The following ARHGAP12 variants were observed in gnomAD, a reference collection of about 807,000 sequenced individuals.
ARHGAP12 encodes the protein Rho GTPase activating protein 12.
Under a neutral mutation model 108.6 loss-of-function variants are expected in ARHGAP12, and 64 were observed. The ratio of observed to expected loss-of-function variants is 0.59; its 90% CI spans 0.48 to 0.73. The LOEUF is 0.73. Among genes scored for constraint, ARHGAP12 ranks in the 30% least tolerant of loss-of-function variants. The pLI, the probability that ARHGAP12 is intolerant of heterozygous loss-of-function variation, is 0.00. For missense variants in ARHGAP12, 940 were observed against 1,005.9 expected (o/e 0.93, Z 0.89); for synonymous variants, 312 against 337.2 (o/e 0.93, Z 0.82).
chr10:31,839,274 G>T, intron 9 of ARHGAP12, 31 bp downstream of exon 9: 1 of 1,597,410 alleles, frequency 6.3e-7, no homozygotes, highest in Non-Finnish European at 8.6e-7. Context: ...AGGTGTCTAT[G>T]CCTATTAAGA....
chr10:31,855,859 G>C (rs963010204), intron 4 of ARHGAP12, among the ~76,000 whole-genome samples: 1 of 152,136 alleles, frequency 6.6e-6, no homozygotes, highest in Non-Finnish European at 1.5e-5. Flanking sequence ...ATATCTTCAT[G>C]TGTTTTATAT....
intron 5 of ARHGAP12, among the ~76,000 whole-genome samples, chr10:31,853,017 G>A (rs927533184): frequency 1.3e-5 from 2 of 152,098 alleles, no homozygotes; most frequent in Non-Finnish European, 2.9e-5. Flanking sequence ...CGTCAGCCAC[G>A]GCGCCCGGCC....
intron 3 of ARHGAP12, among the ~76,000 whole-genome samples, chr10:31,893,268 G>A (rs1332449205): frequency 6.6e-6 from 1 of 152,090 alleles, no homozygotes; most frequent in Non-Finnish European, 1.5e-5. Context: ...AACTGAAGGA[G>A]ACAGAGACAC....
At chr10:31,827,469 C>T (rs1835659045) in intron 10 of ARHGAP12, among the ~76,000 whole-genome samples, 1 of 152,054 alleles carries the variant, frequency 6.6e-6, no homozygotes, top group East Asian at 1.9e-4. Context: ...TTAAAGCTAT[C>T]CTTATAGCCA....
chr10:31,836,142 T>C (rs1034830071), intron 9 of ARHGAP12, among the ~76,000 whole-genome samples: 1 of 152,202 alleles, frequency 6.6e-6, no homozygotes, highest in Non-Finnish European at 1.5e-5. Flanking sequence ...CATTAATACT[T>C]CAAATCATTA....
intron 3 of ARHGAP12, among the ~76,000 whole-genome samples, chr10:31,882,277 G>T (rs1838000759): frequency 6.6e-6 from 1 of 151,880 alleles, no homozygotes; most frequent in African/African-American, 2.4e-5. Context: ...TTGCTACCTG[G>T]GATTTTCCAA....
At chr10:31,879,228 T>C (rs1225980779) in intron 3 of ARHGAP12, among the ~76,000 whole-genome samples, 1 of 151,972 alleles carries the variant, frequency 6.6e-6, no homozygotes, top group Non-Finnish European at 1.5e-5. Flanking sequence ...CTGGGCAACA[T>C]GATGAAACCC....
chr10:31,861,388 C>A lies in ARHGAP12; in HGVS notation c.948+7G>T. ...TAACTTGCAGTTGATTCCTTAATTA[C>A]TCATACCTCTTGATCCCCTGGATTT... On this transcript the variant is annotated splice_region_variant and intron_variant, in intron 4 of 19. Transcript: ENST00000344936. The A allele has an allele frequency of 6.2e-7, 1 of 1,602,470 alleles. No homozygotes were observed. Among genetic ancestry groups the A allele is most frequent in the Non-Finnish European group, 8.5e-7 (1 of 1,176,248 alleles).
chr10:31,890,094 T>C (rs1464327783), intron 3 of ARHGAP12, among the ~76,000 whole-genome samples: 1 of 152,098 alleles, frequency 6.6e-6, no homozygotes, highest in Non-Finnish European at 1.5e-5. Context: ...CACAACAGAA[T>C]TTCATTTAAA....
chr10:31,811,629 A>C lies in ARHGAP12; in HGVS notation c.1952-882T>G, dbSNP rs111979606. Among the ~76,000 whole-genome samples, 1,101 of 151,648 alleles carry C rather than the reference A, an allele frequency of 7.3e-3. 14 individuals carry two copies. The highest frequency in any genetic ancestry group is 0.021 in the Middle Eastern group (6 of 292). ...TATTGGAGAGTACCTAATTTGAATT[A>C]ATCAGCTAGTCTCTTCCTAGAAGTC... On this transcript the variant is annotated intron_variant, in intron 15 of 19. Coordinates refer to ENST00000344936, the MANE Select transcript of ARHGAP12 (RefSeq NM_018287.7).
Position 31,826,649 on chromosome 10 carries a change from T to C in ARHGAP12, c.1449-264A>G, listed in dbSNP as rs142320122. On this transcript the variant is annotated intron_variant, in intron 10 of 19. Transcript: ENST00000344936. ...TATGAATGAATGACGCATGTAATTATGTTCACGTGAAATTAATACAGCACT... is the reference window on the plus strand; with the variant it reads ...TATGAATGAATGACGCATGTAATTACGTTCACGTGAAATTAATACAGCACT... The C allele has an allele frequency of 3.1e-3, 1,051 of 336,616 alleles. 12 individuals are homozygous for C. Among genetic ancestry groups the C allele is most frequent in the African/African-American group, 0.02 (943 of 47,438 alleles). 20.9% of individuals were successfully genotyped at this position (336,616 alleles called of 1,614,324 possible).
chr10:31,839,228 C>G (rs1836153887), intron 9 of ARHGAP12, 77 bp downstream of exon 9: 4 of 1,430,358 alleles, frequency 2.8e-6, no homozygotes, highest in South Asian at 1.2e-5. Context: ...TCATCTGGCA[C>G]AGACTTGGCA....
At chr10:31,875,684 T>C (rs1409411643) in intron 3 of ARHGAP12, among the ~76,000 whole-genome samples, 1 of 152,210 alleles carries the variant, frequency 6.6e-6, no homozygotes, top group Non-Finnish European at 1.5e-5. Context: ...TGATAAAATA[T>C]ACATAACATA....
At chr10:31,900,693 G>A (rs2132431607) in intron 3 of ARHGAP12, among the ~76,000 whole-genome samples, 1 of 152,308 alleles carries the variant, frequency 6.6e-6, no homozygotes, top group South Asian at 2.1e-4. Context: ...AGAAGTGTGA[G>A]GGAAGGAAGG....
At chr10:31,843,766 A>T (rs1213711136) in intron 6 of ARHGAP12, among the ~76,000 whole-genome samples, 180 bp from the exon 7 acceptor site, 1 of 152,210 alleles carries the variant, frequency 6.6e-6, no homozygotes, top group Admixed American at 6.5e-5. Flanking sequence ...GGCACAATTG[A>T]GAAGATCACA....
chr10:31,873,224 T>G (rs1837607217), intron 3 of ARHGAP12, among the ~76,000 whole-genome samples: 3 of 152,238 alleles, frequency 2.0e-5, no homozygotes, highest in Admixed American at 1.3e-4. Flanking sequence ...CTGAGATAGT[T>G]TATATTTTTG....
chr10:31,870,263 C>T (rs2778661), intron 3 of ARHGAP12, among the ~76,000 whole-genome samples: 68,702 of 147,778 alleles, frequency 0.46, 16,161 homozygotes, highest in Middle Eastern at 0.52. Flanking sequence ...GAATCTCGCT[C>T]TCATTGCCCA....
chr10:31,898,822 T>C (rs1227395520), intron 3 of ARHGAP12, among the ~76,000 whole-genome samples: 1 of 152,088 alleles, frequency 6.6e-6, no homozygotes, highest in Admixed American at 6.6e-5. Context: ...AAGTACACTC[T>C]GTGATGTTCC....
Position 31,861,573 on chromosome 10 carries a change from G to C in ARHGAP12, c.770C>G (p.Pro257Arg), listed in dbSNP as rs918997433. ...AATTGCCGGGCTCCCAGGAAGTGGG[G>C]GAAGAGCAGACTGGGATATTTTCAG... ...QELKISQSAL[P>R]PLPGSPAIQI... Residue 257 changes from proline to arginine, a missense_variant, in exon 4 of 20, where the codon CCC (proline) becomes CGC (arginine). Pro to Arg is a moderately radical substitution (Grantham distance 103). Coordinates refer to ENST00000344936, the MANE Select transcript of ARHGAP12 (RefSeq NM_018287.7). 1 of 1,614,146 alleles carries C rather than the reference G, an allele frequency of 6.2e-7. No individual in the cohort carries two copies. The highest frequency in any genetic ancestry group is 1.3e-5 in the African/African-American group (1 of 75,026).
Sources: allele counts gnomAD v4.1 joint callset (sites outside exome capture counted in the v4.1 genomes callset), GRCh38; gene constraint gnomAD v4.1.1; transcripts MANE v1.5; gene names NCBI Gene and HGNC (gene_info 2026-07-23, HGNC 2026-07-21).